USP13: variants seen among roughly 807,000 people sequenced by gnomAD.
USP13 encodes ubiquitin carboxyl-terminal hydrolase 13.
USP13 carries 68 observed loss-of-function variants against 107.8 expected under a neutral mutation model. The observed-to-expected ratio is 0.63, with a 90% CI of 0.52 to 0.77. The LOEUF (loss-of-function observed/expected upper bound fraction) is 0.77. USP13 is among the 30% of genes least tolerant of loss of function. The probability of loss-of-function intolerance (pLI) is 0.00; values close to 1 mark genes in which losing one functional copy is unlikely to be tolerated. For synonymous variants in USP13, 377 were observed against 389.5 expected (o/e 0.97, Z 0.38); for missense variants, 945 against 1,093.3 (o/e 0.86, Z 1.91).
intron 10 of USP13, among the ~76,000 whole-genome samples, chr3:179,734,923 C>T (rs1713936544): frequency 6.6e-6 from 1 of 152,122 alleles, no homozygotes; most frequent in South Asian, 2.1e-4. Flanking sequence ...GCATTCGGCT[C>T]AGGGGAATAT....
intron 10 of USP13, among the ~76,000 whole-genome samples, chr3:179,738,403 G>A (rs529812108): frequency 1.3e-5 from 2 of 152,340 alleles, no homozygotes; most frequent in South Asian, 4.1e-4. Context: ...TGGAACTGGA[G>A]TTAGAGCCAC....
At chr3:179,756,437 CA>C (rs1424028576) in intron 15 of USP13, among the ~76,000 whole-genome samples, 1 of 122,392 alleles carries the variant, frequency 8.2e-6, no homozygotes, top group East Asian at 2.2e-4. Flanking sequence ...AACAAACAAA[CA>C]AACAAACAAA....
rs1714722875 is a variant in USP13, at chr3:179,754,609, T to C, written c.1799-123T>C. The stretch of plus-strand genomic sequence containing the variant: ...ATGAACCTGCTGGTCGAGCAACATA[T>C]TCTAGGGAATTGAAAAACATCCCTT... On this transcript the variant is annotated intron_variant, in intron 14 of 20. Coordinates refer to ENST00000263966, the MANE Select transcript of USP13 (RefSeq NM_003940.3). 3 of 1,265,860 alleles carry C rather than the reference T, an allele frequency of 2.4e-6. No individual in the cohort carries two copies. The African/African-American group carries it at 4.6e-5, about 19-fold the overall frequency. 78.4% of individuals were successfully genotyped at this position (1,265,860 alleles called of 1,614,324 possible).
At chr3:179,656,592 C>T (rs1383289672) in intron 1 of USP13, among the ~76,000 whole-genome samples, 1 of 152,188 alleles carries the variant, frequency 6.6e-6, no homozygotes, top group African/African-American at 2.4e-5. Flanking sequence ...CCTGGACCCA[C>T]CCTCCCACCT....
intron 6 of USP13, among the ~76,000 whole-genome samples, chr3:179,711,488 C>T (rs1712925071): frequency 6.6e-6 from 1 of 152,226 alleles, no homozygotes; most frequent in South Asian, 2.1e-4. Context: ...GTTGGGATTA[C>T]AGGCGAGAGC....
intron 13 of USP13, among the ~76,000 whole-genome samples, chr3:179,745,838 C>T (rs1428302399): frequency 6.6e-6 from 1 of 152,136 alleles, no homozygotes; most frequent in Non-Finnish European, 1.5e-5. Flanking sequence ...AAACGAGCCG[C>T]TCAGGGTTTA....
intron 1 of USP13, among the ~76,000 whole-genome samples, chr3:179,666,779 C>A (rs995809495): frequency 6.6e-6 from 1 of 152,168 alleles, no homozygotes; most frequent in African/African-American, 2.4e-5. Context: ...CCCAAGCCCC[C>A]ACGAGAGCAT....
intron 7 of USP13, among the ~76,000 whole-genome samples, chr3:179,720,455 C>T (rs1713270954): frequency 6.6e-6 from 1 of 152,214 alleles, no homozygotes; most frequent in Non-Finnish European, 1.5e-5. Context: ...AATAAACCAA[C>T]ACATTACTGT....
At chr3:179,744,909 G>A (rs1714342441) in intron 12 of USP13, 134 bp from the exon 13 acceptor site, 16 of 1,036,638 alleles carry the variant, frequency 1.5e-5, no homozygotes, top group Non-Finnish European at 2.1e-5. Flanking sequence ...GGGGCATCTG[G>A]CTCTGTAAAG....
Position 179,724,406 on chromosome 3 carries a change from C to T in USP13, c.1088+2817C>T, listed in dbSNP as rs546723293. Reference sequence around the variant, plus strand: ...CCAGGAGGCAGAGGTTGCAGTGAGCCGAGATTGCTCTACTGCACTCCAGCC... The same window carrying T: ...CCAGGAGGCAGAGGTTGCAGTGAGCTGAGATTGCTCTACTGCACTCCAGCC... On this transcript the variant is annotated intron_variant, in intron 8 of 20. Transcript: ENST00000263966. Among the ~76,000 whole-genome samples, 31 of 144,376 alleles carry T rather than the reference C, an allele frequency of 2.1e-4. No individual in the cohort carries two copies. In the South Asian group the frequency reaches 2.6e-3, roughly 12 times the overall value. 94.7% of individuals were successfully genotyped at this position (144,376 alleles called of 152,430 possible).
At chr3:179,730,509 T>G in intron 9 of USP13, 107 bp from the exon 10 acceptor site, 6 of 963,230 alleles carry the variant, frequency 6.2e-6, no homozygotes, top group Non-Finnish European at 7.7e-6. Context: ...GCAGATCAAA[T>G]GCTCCACCTA....
chr3:179,696,600 G>A (rs1333000061), intron 3 of USP13, among the ~76,000 whole-genome samples: 2 of 152,116 alleles, frequency 1.3e-5, no homozygotes, highest in African/African-American at 4.8e-5. Flanking sequence ...CTAAAGTGCT[G>A]GGATTACAGG....
rs200580330 is a variant in USP13 at position 179,730,224 on chromosome 3, C to T, written c.1124C>T (p.Ser375Leu). The change falls in exon 9 of 21, where the codon TCG becomes TTG. Residue 375 changes from serine to leucine, a missense_variant. Coordinates refer to ENST00000263966, the MANE Select transcript of USP13 (RefSeq NM_003940.3). ...AACCTTCCCAGAATATTTGACTACTCGCCTTTAGATCCAACACAAGATTTC... is the reference window on the plus strand; with the variant it reads ...AACCTTCCCAGAATATTTGACTACTTGCCTTTAGATCCAACACAAGATTTC... ...VGNLPRIFDY[S>L]PLDPTQDFNT... 5 of 1,613,344 alleles carry T rather than the reference C, an allele frequency of 3.1e-6. No homozygotes were observed. In the African/African-American group the frequency reaches 4.0e-5, roughly 13 times the overall value.
intron 4 of USP13, among the ~76,000 whole-genome samples, chr3:179,702,512 G>C (rs1292894732): frequency 6.6e-6 from 1 of 152,152 alleles, no homozygotes; most frequent in Non-Finnish European, 1.5e-5. Context: ...GACTCTCTCT[G>C]TAGCCATCTG....
At chr3:179,750,996 A>G (rs1202013289) in intron 13 of USP13, among the ~76,000 whole-genome samples, 1 of 152,238 alleles carries the variant, frequency 6.6e-6, no homozygotes, top group Non-Finnish European at 1.5e-5. Flanking sequence ...CATTACAAAT[A>G]GAAGGCAGTG....
intron 19 of USP13, among the ~76,000 whole-genome samples, chr3:179,776,755 A>C (rs1372858626): frequency 6.6e-6 from 1 of 152,164 alleles, no homozygotes; most frequent in Admixed American, 6.5e-5. Flanking sequence ...GTAAATAGGA[A>C]AGGCAGCTTG....
At chr3:179,701,295 T>G (rs570185919) in intron 4 of USP13, among the ~76,000 whole-genome samples, 166 bp downstream of exon 4, 7 of 152,330 alleles carry the variant, frequency 4.6e-5, no homozygotes, top group South Asian at 4.1e-4. Context: ...TTCTCTTCTG[T>G]GACAGGAGTC....
Position 179,653,706 on chromosome 3 carries a change from CG to C in USP13, c.168+314del, listed in dbSNP as rs1428445471. The C allele has an allele frequency of 1.1e-5, 3 of 276,038 alleles. No individual in the cohort carries two copies. The highest frequency in any genetic ancestry group is 2.1e-5 in the Non-Finnish European group (3 of 144,908). The allele number at this position is 276,038 out of a possible 1,614,324, so 17.1% of individuals were successfully genotyped here. On this transcript the variant is annotated intron_variant, in intron 1 of 20. Coordinates refer to ENST00000263966, the MANE Select transcript of USP13 (RefSeq NM_003940.3). This position sits in a 1 kb window ranked among gnomAD's most constrained non-coding sequence, Gnocchi z 4.0. The stretch of plus-strand genomic sequence containing the variant: ...CAAGAGTTCCCTGTTCCGAACTGCA[CG>C]TTGCAGATCGTTTGCGTCCTCCGCG...
chr3:179,676,899 C>T (rs1032826491), intron 1 of USP13, among the ~76,000 whole-genome samples: 8 of 152,060 alleles, frequency 5.3e-5, no homozygotes, highest in African/African-American at 1.2e-4. Flanking sequence ...CGCTCTATTG[C>T]GCAGGCTGGC....
Sources: gnomAD v4.1 joint callset for allele counts (sites outside exome capture counted in the v4.1 genomes callset) on GRCh38, gnomAD v4.1.1 for gene constraint, Gnocchi (gnomAD v3.1) non-coding constraint, MANE v1.5 for transcripts, NCBI Gene and HGNC (gene_info 2026-07-23, HGNC 2026-07-21) for gene names.